The following PWP1 variants were observed in gnomAD, a reference collection of about 807,000 sequenced individuals.
The protein encoded by PWP1 is PWP1 homolog, endonuclein.
A neutral mutation model predicts 69.9 loss-of-function variants in PWP1; 47 were observed. The observed-to-expected ratio is 0.67, with a 90% CI of 0.53 to 0.86. The LOEUF (loss-of-function observed/expected upper bound fraction) is 0.86, where lower values mean the gene tolerates loss of function less well. Ranked by LOEUF, PWP1 falls within the 40% of genes least tolerant of loss-of-function variation. PWP1 has a pLI of 0.00. For synonymous variants in PWP1, 222 were observed against 208.2 expected, an observed-to-expected ratio of 1.07 and a Z score of -0.57; for missense variants, 551 against 608.8, an observed-to-expected ratio of 0.91 and a Z score of 1.00.
At chr12:107,686,235 T>C (rs754588186) in intron 1 of PWP1, 62 of 543,722 alleles carry the variant, frequency 1.1e-4, no homozygotes, top group South Asian at 6.0e-4. Context: ...GCACATGGAC[T>C]TAGCGGGCCG....
intron 11 of PWP1, among the ~76,000 whole-genome samples, chr12:107,706,228 C>T (rs1274893678): frequency 6.6e-6 from 1 of 152,162 alleles, no homozygotes; most frequent in African/African-American, 2.4e-5. Context: ...ATCCTTCGCC[C>T]ACTTTTTGAT....
At chr12:107,686,209 A>C (rs1889361430) in intron 1 of PWP1, 2 of 571,664 alleles carry the variant, frequency 3.5e-6, no homozygotes, top group African/African-American at 1.9e-5. Context: ...GCCCAACCCC[A>C]CTCCCAAATT....
chr12:107,711,344 T>A (rs1170078833), intron 14 of PWP1, among the ~76,000 whole-genome samples: 1 of 152,214 alleles, frequency 6.6e-6, no homozygotes, highest in Admixed American at 6.5e-5. Flanking sequence ...TTAGGGCCAT[T>A]ATGAACATGT....
chr12:107,704,817 G>T, intron 11 of PWP1, 70 bp downstream of exon 11: 6 of 1,241,870 alleles, frequency 4.8e-6, no homozygotes, highest in Non-Finnish European at 7.0e-6. Flanking sequence ...ATAGTAGAGA[G>T]AATTATCTGA....
chr12:107,691,976 C>T (rs1307726866), intron 3 of PWP1, among the ~76,000 whole-genome samples: 1 of 152,154 alleles, frequency 6.6e-6, no homozygotes, highest in Non-Finnish European at 1.5e-5. Context: ...TGCATCTTTT[C>T]TATAGATACA....
At position 107,712,212 on chromosome 12, in the gene PWP1, G is replaced by A; in HGVS notation, c.1498G>A (p.Glu500Lys). The A allele has an allele frequency of 3.1e-6, 5 of 1,610,036 alleles. No individual in the cohort carries two copies. The highest frequency in any genetic ancestry group is 1.1e-5 in the South Asian group (1 of 90,540). The change falls in exon 15 of 15, where the codon GAG becomes AAG. Residue 500 changes from glutamate (E) to lysine (K), a missense_variant. By Grantham distance (56) the Glu-to-Lys change is moderately conservative. Transcript: ENST00000412830. Reference protein sequence around the residue: ...FGSRSSDTPMES With the variant: ...FGSRSSDTPMKS ...CAGCAGGAGCTCAGATACACCCATG[G>A]AGTCTTAATGAAGATCATCTAATTT...
intron 5 of PWP1, among the ~76,000 whole-genome samples, chr12:107,695,965 G>T (rs1409486361): frequency 6.6e-6 from 1 of 151,440 alleles, no homozygotes; most frequent in African/African-American, 2.4e-5. Context: ...TCTCCTGTGG[G>T]GTATGCCACA....
rs1889988900 is a variant in PWP1, at chr12:107,712,975, A to G, written c.*755A>G. 6.6e-6 allele frequency: 1 copy of G among 152,188 alleles called. No individual in the cohort carries two copies. Among genetic ancestry groups the G allele is most frequent in the Non-Finnish European group, 1.5e-5 (1 of 68,036 alleles). 9.4% of individuals were successfully genotyped at this position (152,188 alleles called of 1,614,324 possible). A position where few individuals can be genotyped will look rare whatever the true frequency, so the allele number is the denominator to read the frequency against. On this transcript the variant is annotated 3_prime_UTR_variant, in exon 15 of 15. Coordinates refer to ENST00000412830, the MANE Select transcript of PWP1 (RefSeq NM_007062.3). Reference sequence around the variant, plus strand: ...ATCGTAATTAGTTTGATAATATGAGACCCAACCCTAACTTGCCAGAAGAGT... The same window carrying G: ...ATCGTAATTAGTTTGATAATATGAGGCCCAACCCTAACTTGCCAGAAGAGT...
intron 5 of PWP1, among the ~76,000 whole-genome samples, chr12:107,695,155 A>G (rs1373083021): frequency 2.0e-5 from 3 of 150,988 alleles, no homozygotes; most frequent in South Asian, 2.1e-4. Context: ...AGTCCCAGCT[A>G]CTCGGGAGGC....
At chr12:107,700,155 A>G (rs1017695168) in intron 8 of PWP1, among the ~76,000 whole-genome samples, 3 of 152,198 alleles carry the variant, frequency 2.0e-5, no homozygotes, top group Non-Finnish European at 4.4e-5. Flanking sequence ...CATGGGAATT[A>G]TGGGAGCTAC....
chr12:107,707,926 G>C (rs1436745330), intron 11 of PWP1, among the ~76,000 whole-genome samples: 2 of 152,050 alleles, frequency 1.3e-5, no homozygotes, highest in African/African-American at 2.4e-5. Flanking sequence ...AAATGAGTTA[G>C]GGGGGAAAGA....
At chr12:107,690,698 T>C (rs957889716) in intron 3 of PWP1, among the ~76,000 whole-genome samples, 20 of 152,272 alleles carry the variant, frequency 1.3e-4, no homozygotes, top group Admixed American at 8.5e-4. Flanking sequence ...CCTGACCTCA[T>C]GATCCGCCTG....
Position 107,706,878 on chromosome 12 carries a change from T to C in PWP1, c.1078-2048T>C, listed in dbSNP as rs952402464. Among the ~76,000 whole-genome samples the C allele has an allele frequency of 1.8e-4, 28 of 152,370 alleles. No homozygotes were observed. The East Asian group carries it at 4.2e-3, about 23-fold the overall frequency. On this transcript the variant is annotated intron_variant, in intron 11 of 14. Coordinates refer to ENST00000412830, the MANE Select transcript of PWP1 (RefSeq NM_007062.3). The stretch of plus-strand genomic sequence containing the variant: ...TTTTGGCTTAGGATTGTCTTGGCAA[T>C]GTGGGCTCTTTTTTGGTTCTATATG...
Position 107,699,394 on chromosome 12 carries a change from A to G in PWP1, c.766A>G (p.Thr256Ala), listed in dbSNP as rs762545979. Residue 256 changes from threonine to alanine, a missense_variant, in exon 8 of 15, where the codon ACC (threonine) becomes GCC (alanine). Coordinates refer to ENST00000412830, the MANE Select transcript of PWP1 (RefSeq NM_007062.3). ...GKKSSSAEGH[T>A]DAVLDLSWNK... ...ACAGAGTTCCTCAGCAGAAGGGCAT[A>G]CCGATGCTGTCCTTGACCTTTCATG... 1.9e-6 allele frequency: 3 copies of G among 1,613,496 alleles called. No homozygotes were observed. Among genetic ancestry groups the G allele is most frequent in the Non-Finnish European group, 2.5e-6 (3 of 1,179,444 alleles).
intron 10 of PWP1, 51 bp downstream of exon 10, chr12:107,703,797 G>A (rs757686722): frequency 5.3e-6 from 8 of 1,511,662 alleles, no homozygotes; most frequent in Non-Finnish European, 7.4e-6. Flanking sequence ...TCCTCTAGAA[G>A]TCATTTTAAG....
rs1241807375 is a variant in PWP1, at chr12:107,710,468, AAAG to A, written c.1358_1360del (p.Glu453del). The A allele has an allele frequency of 1.2e-6, 2 of 1,613,152 alleles. No individual in the cohort carries two copies. The highest frequency in any genetic ancestry group is 1.1e-5 in the South Asian group (1 of 91,044). On this transcript the variant is annotated inframe_deletion, in exon 14 of 15. Transcript: ENST00000412830. ...ATTTATTTATGCCTTTGGAGGTCAA[AAAG>A]AAGGGCTTCGGGTCTGGGATATAAG...
intron 11 of PWP1, 135 bp downstream of exon 11, chr12:107,704,882 A>G (rs558892746): frequency 1.6e-6 from 1 of 626,242 alleles, no homozygotes; most frequent in South Asian, 2.6e-5. Context: ...TTGAAAGCAT[A>G]AGGTGTTTTT....
At chr12:107,698,610 G>C (rs565870213) in intron 7 of PWP1, among the ~76,000 whole-genome samples, 1 of 152,240 alleles carries the variant, frequency 6.6e-6, no homozygotes, top group African/African-American at 2.4e-5. Context: ...AAGAGGTAAG[G>C]TCTTGCTCTG....
intron 5 of PWP1, among the ~76,000 whole-genome samples, chr12:107,695,392 G>C (rs1042057503): frequency 6.6e-6 from 1 of 152,314 alleles, no homozygotes; most frequent in Non-Finnish European, 1.5e-5. Context: ...GGATGTGATA[G>C]AGCATTACAC....
Sources: allele counts gnomAD v4.1 joint callset (sites outside exome capture counted in the v4.1 genomes callset), GRCh38; gene constraint gnomAD v4.1.1; transcripts MANE v1.5; gene names NCBI Gene and HGNC (gene_info 2026-07-23, HGNC 2026-07-21).